Variants in ROR2 observed in about 807,000 individuals in gnomAD.
The protein encoded by ROR2 is ROR family WNT receptor 2.
A neutral mutation model predicts 74.9 loss-of-function variants in ROR2; 33 were observed. The ratio of observed to expected loss-of-function variants is 0.44; its 90% CI spans 0.33 to 0.59. ROR2 has a LOEUF of 0.59. ROR2 is among the 20% of genes least tolerant of loss of function. ROR2 has a pLI of 0.02. For missense variants in ROR2, 1,216 were observed against 1,313.8 expected, an observed-to-expected ratio of 0.93 and a Z score of 1.15; for synonymous variants, 586 against 558.7, an observed-to-expected ratio of 1.05 and a Z score of -0.69.
chr9:91,938,326 T>G (rs572444280), intron 1 of ROR2, among the ~76,000 whole-genome samples: 200 of 152,284 alleles, frequency 1.3e-3, no homozygotes, highest in African/African-American at 4.6e-3. Flanking sequence ...AGCCAGATGT[T>G]GGTAGCTAAT....
chr9:91,784,092 A>C (rs1008236978), intron 1 of ROR2, among the ~76,000 whole-genome samples: 1 of 152,104 alleles, frequency 6.6e-6, no homozygotes, highest in Non-Finnish European at 1.5e-5. Flanking sequence ...TCCAGGAGAC[A>C]CCATGCTTGA....
intron 4 of ROR2, among the ~76,000 whole-genome samples, chr9:91,744,953 C>A (rs1759290422): frequency 6.6e-6 from 1 of 152,148 alleles, no homozygotes; most frequent in African/African-American, 2.4e-5. Context: ...TCTCACTGTG[C>A]ATAATATGGT....
chr9:91,875,496 T>C (rs1260857173), intron 1 of ROR2, among the ~76,000 whole-genome samples: 3 of 152,206 alleles, frequency 2.0e-5, no homozygotes, highest in African/African-American at 7.2e-5. Context: ...CAGTGAACAA[T>C]GCTGGATTGA....
chr9:91,819,498 G>C (rs113239525), intron 1 of ROR2, among the ~76,000 whole-genome samples: 3,011 of 151,938 alleles, frequency 0.02, 100 homozygotes, highest in African/African-American at 0.067. Context: ...GTGTCTCTGC[G>C]TGTCTTGGCG....
intron 4 of ROR2, among the ~76,000 whole-genome samples, chr9:91,747,097 T>A (rs956445289): frequency 6.6e-6 from 1 of 152,044 alleles, no homozygotes; most frequent in Non-Finnish European, 1.5e-5. Flanking sequence ...AAAACCCACA[T>A]ATGAAATATG....
At chr9:91,807,449 A>G (rs1039525774) in intron 1 of ROR2, among the ~76,000 whole-genome samples, 1 of 152,258 alleles carries the variant, frequency 6.6e-6, no homozygotes, top group Non-Finnish European at 1.5e-5. Flanking sequence ...TACCCTTCAA[A>G]TAAACCAGTA....
intron 1 of ROR2, among the ~76,000 whole-genome samples, chr9:91,795,961 T>A (rs1360010555): frequency 1.3e-5 from 2 of 150,718 alleles, no homozygotes; most frequent in Non-Finnish European, 2.9e-5. Context: ...CAGTGTTAAG[T>A]GACTTGGAAG....
intron 4 of ROR2, among the ~76,000 whole-genome samples, chr9:91,738,494 A>G (rs9409652): frequency 0.48 from 73,128 of 152,006 alleles, 18,579 homozygotes; most frequent in Admixed American, 0.57. Flanking sequence ...TATTTAATAC[A>G]TCAGGGACAT....
chr9:91,775,899 A>G (rs770418185), intron 1 of ROR2, 81 bp from the exon 2 acceptor site: 15 of 1,156,188 alleles, frequency 1.3e-5, no homozygotes, highest in Non-Finnish European at 1.8e-5. Flanking sequence ...CAAAGACAAC[A>G]GCATTCTAGC....
At chr9:91,812,409 G>C (rs1482098409) in intron 1 of ROR2, among the ~76,000 whole-genome samples, 1 of 152,114 alleles carries the variant, frequency 6.6e-6, no homozygotes, top group Non-Finnish European at 1.5e-5. Context: ...CCGGGCATGT[G>C]GGGAGGGGGG....
chr9:91,770,683 A>G (rs1000489230), intron 2 of ROR2, among the ~76,000 whole-genome samples: 1 of 152,196 alleles, frequency 6.6e-6, no homozygotes, highest in Non-Finnish European at 1.5e-5. Flanking sequence ...CACCTAGCAG[A>G]GTTGCATGGC....
chr9:91,839,973 A>G (rs1229782926), intron 1 of ROR2, among the ~76,000 whole-genome samples: 1 of 152,122 alleles, frequency 6.6e-6, no homozygotes, highest in African/African-American at 2.4e-5. Flanking sequence ...GTGATGAAAC[A>G]TCCCCACCTG....
intron 4 of ROR2, among the ~76,000 whole-genome samples, chr9:91,737,924 A>G (rs1825093612): frequency 6.6e-6 from 1 of 152,220 alleles, no homozygotes; most frequent in African/African-American, 2.4e-5. Flanking sequence ...GACATTCTAG[A>G]AAGTGCAAAA....
intron 1 of ROR2, among the ~76,000 whole-genome samples, chr9:91,777,408 C>CACACA (rs768208358): frequency 2.0e-5 from 3 of 150,976 alleles, no homozygotes; most frequent in Admixed American, 6.6e-5. Flanking sequence ...CACACACACA[C>CACACA]CCCATCATCA....
At chr9:91,859,460 C>CA (rs1829402477) in intron 1 of ROR2, among the ~76,000 whole-genome samples, 1 of 152,082 alleles carries the variant, frequency 6.6e-6, no homozygotes, top group African/African-American at 2.4e-5. Flanking sequence ...CTGAAGGCGG[C>CA]AAGGGTATTT....
chr9:91,878,087 A>G (rs1160618019), intron 1 of ROR2, among the ~76,000 whole-genome samples: 1 of 152,178 alleles, frequency 6.6e-6, no homozygotes. Context: ...TCCTCCAGCA[A>G]ATGGAATATT....
intron 1 of ROR2, among the ~76,000 whole-genome samples, chr9:91,780,657 G>A (rs1295641508): frequency 1.3e-5 from 2 of 152,130 alleles, no homozygotes; most frequent in East Asian, 3.9e-4. Flanking sequence ...CAGGCGTGGT[G>A]GCAGGTGCCT....
At chr9:91,901,738 C>T (rs897051604) in intron 1 of ROR2, among the ~76,000 whole-genome samples, 1 of 149,496 alleles carries the variant, frequency 6.7e-6, no homozygotes, top group African/African-American at 2.5e-5. Flanking sequence ...ACTGCTTGAA[C>T]CCAGGAGGTG....
intron 1 of ROR2, among the ~76,000 whole-genome samples, chr9:91,890,346 T>C (rs561011348): frequency 2.6e-5 from 4 of 152,280 alleles, no homozygotes; most frequent in South Asian, 4.1e-4. Context: ...AGGAATCTTC[T>C]CCTGTAAAGC....
Sources: gnomAD v4.1 joint callset for allele counts (sites outside exome capture counted in the v4.1 genomes callset) on GRCh38, gnomAD v4.1.1 for gene constraint, MANE v1.5 for transcripts, NCBI Gene and HGNC (gene_info 2026-07-23, HGNC 2026-07-21) for gene names.